Variants in PDE8B observed in about 807,000 individuals in gnomAD.
PDE8B encodes the protein high affinity cAMP-specific and IBMX-insensitive 3',5'-cyclic phosphodiesterase 8B.
In PDE8B, 26 loss-of-function variants were observed where a neutral mutation model predicts 101.3. The ratio of observed to expected loss-of-function variants is 0.26; its 90% CI spans 0.19 to 0.36. PDE8B has a LOEUF of 0.36. PDE8B is among the 10% of genes least tolerant of loss of function. The probability of loss-of-function intolerance (pLI) is 1.00; values close to 1 mark genes in which losing one functional copy is unlikely to be tolerated. For synonymous variants in PDE8B, 424 were observed against 429.3 expected (o/e 0.99, Z 0.15); for missense variants, 810 against 1,163.1 (o/e 0.70, Z 4.42).
the PDE8B span, among the ~76,000 whole-genome samples, chr5:77,173,886 T>G: frequency 2.6e-5 from 4 of 152,188 alleles, no homozygotes; most frequent in African/African-American, 7.2e-5. Flanking sequence ...GGAATAACTC[T>G]CCATTTGCAG....
intron 1 of PDE8B, among the ~76,000 whole-genome samples, chr5:77,293,418 T>C (rs997415987): frequency 2.6e-5 from 4 of 152,244 alleles, no homozygotes; most frequent in Admixed American, 2.0e-4. Flanking sequence ...AGTATATAGG[T>C]TAATTTGAGA....
rs528416372 is a variant in PDE8B, at chr5:77,265,234, C to CA, written c.340-46758dup. Among the ~76,000 whole-genome samples, 19 of 152,270 alleles carry CA rather than the reference C, an allele frequency of 1.2e-4. No homozygotes were observed. The East Asian group carries it at 3.7e-3, about 29-fold the overall frequency. On this transcript the variant is annotated intron_variant, in intron 1 of 21. Coordinates refer to ENST00000264917, the MANE Select transcript of PDE8B (RefSeq NM_003719.5). ...AACCCAGAAACCAAGACATCACAGA[C>CA]AATCAGTGGTGGTGTTGGCACAATA...
rs573685438 is a variant in PDE8B, at chr5:77,228,262, C to T, written c.339+16998C>T. ...ATTTCATCAAAGCCAGCAAGAGAGA[C>T]AGTCTCTTTTATCAGTAAGATGGTA... On this transcript the variant is annotated intron_variant, in intron 1 of 21. Transcript: ENST00000264917. 2.0e-5 allele frequency among the ~76,000 whole-genome samples: 3 copies of T among 152,294 alleles called. No homozygotes were observed. The South Asian group carries it at 6.2e-4, about 32-fold the overall frequency.
intron 1 of PDE8B, among the ~76,000 whole-genome samples, chr5:77,224,632 A>G (rs1751923142): frequency 6.6e-6 from 1 of 152,262 alleles, no homozygotes; most frequent in African/African-American, 2.4e-5. Context: ...TGTTAATATT[A>G]TCAAATACAA....
intron 8 of PDE8B, 125 bp from the exon 9 acceptor site, chr5:77,350,940 C>A: frequency 1.3e-6 from 1 of 754,954 alleles, no homozygotes; most frequent in Non-Finnish European, 2.4e-6. Context: ...TACAACAATA[C>A]AGCAGGCATT....
the PDE8B span, among the ~76,000 whole-genome samples, chr5:77,136,897 A>G: frequency 6.6e-6 from 1 of 152,190 alleles, no homozygotes; most frequent in Non-Finnish European, 1.5e-5. Context: ...TTTTTGGGCT[A>G]TGGGTGAGGA....
chr5:77,222,538 C>G (rs1751359953), intron 1 of PDE8B, among the ~76,000 whole-genome samples: 1 of 152,150 alleles, frequency 6.6e-6, no homozygotes, highest in Non-Finnish European at 1.5e-5. Context: ...AGGAGGATTA[C>G]TTGAATCTGG....
At chr5:77,324,560 T>C (rs920270994) in intron 2 of PDE8B, among the ~76,000 whole-genome samples, 2 of 152,204 alleles carry the variant, frequency 1.3e-5, no homozygotes, top group Non-Finnish European at 1.5e-5. Flanking sequence ...TTCTTTTCTG[T>C]GGGTGGAATT....
chr5:77,376,110 TGGA>T (rs1786082738), intron 10 of PDE8B, among the ~76,000 whole-genome samples: 1 of 152,138 alleles, frequency 6.6e-6, no homozygotes, highest in South Asian at 2.1e-4. Flanking sequence ...TCATTTCTAG[TGGA>T]GCATTCCCAG....
chr5:77,232,260 TA>T (rs1753729709), intron 1 of PDE8B, among the ~76,000 whole-genome samples: 1 of 152,254 alleles, frequency 6.6e-6, no homozygotes, highest in Admixed American at 6.5e-5. Flanking sequence ...TAAACTTTGT[TA>T]TGAAGTCTCT....
At chr5:77,364,388 ATC>A (rs1362927100) in intron 10 of PDE8B, among the ~76,000 whole-genome samples, 1 of 152,196 alleles carries the variant, frequency 6.6e-6, no homozygotes, top group Non-Finnish European at 1.5e-5. Context: ...AAGCGTCTGG[ATC>A]TTCGCTTCTG....
At chr5:77,304,811 G>T (rs1164568834) in intron 1 of PDE8B, among the ~76,000 whole-genome samples, 1 of 152,134 alleles carries the variant, frequency 6.6e-6, no homozygotes, top group Non-Finnish European at 1.5e-5. Context: ...GTTTGGGGGG[G>T]ATAATTCACC....
rs3031820 is a variant in PDE8B at position 77,378,009 on chromosome 5, T to TACACACACACACAC, written c.1168-22212_1168-22199dup. The stretch of plus-strand genomic sequence containing the variant: ...CTTGCTCGCTCTCTCCCTCTCTCTC[T>TACACACACACACAC]ACACACACACACACACACACACACA... On this transcript the variant is annotated intron_variant, in intron 10 of 21. Coordinates refer to ENST00000264917, the MANE Select transcript of PDE8B (RefSeq NM_003719.5). Among the ~76,000 whole-genome samples, 330 of 134,466 alleles carry TACACACACACACAC rather than the reference T, an allele frequency of 2.5e-3. 2 individuals are homozygous for TACACACACACACAC. The highest frequency in any genetic ancestry group is 2.8e-3 in the South Asian group (12 of 4,216). 88.2% of individuals were successfully genotyped at this position (134,466 alleles called of 152,430 possible).
At chr5:77,218,692 C>T (rs982738974) in intron 1 of PDE8B, among the ~76,000 whole-genome samples, 1 of 152,190 alleles carries the variant, frequency 6.6e-6, no homozygotes. Context: ...AAAAAATGCA[C>T]ACAAAATGTG....
At chr5:77,184,653 C>T in the PDE8B span, among the ~76,000 whole-genome samples, 92,862 of 151,792 alleles carry the variant, frequency 0.61, 28,847 homozygotes, top group African/African-American at 0.68. Flanking sequence ...TATGCTGCAG[C>T]CACAAATCAA....
intron 6 of PDE8B, among the ~76,000 whole-genome samples, chr5:77,343,640 CTT>C (rs1240761899): frequency 6.6e-6 from 1 of 152,162 alleles, no homozygotes; most frequent in African/African-American, 2.4e-5. Flanking sequence ...GGACTATAGA[CTT>C]TATCAGCTTT....
chr5:77,138,235 T>G, the PDE8B span, among the ~76,000 whole-genome samples: 3 of 152,030 alleles, frequency 2.0e-5, no homozygotes, highest in African/African-American at 4.8e-5. Context: ...TTCAGCCCCC[T>G]CCCATCCTGA....
chr5:77,369,203 CAAAA>C (rs70988667), intron 10 of PDE8B, among the ~76,000 whole-genome samples: 16 of 79,030 alleles, frequency 2.0e-4, no homozygotes, highest in African/African-American at 8.7e-4. Flanking sequence ...TCCACTGTCT[CAAAA>C]AAAAAAAAAA....
At chr5:77,125,355 T>C in the PDE8B span, among the ~76,000 whole-genome samples, 2 of 152,168 alleles carry the variant, frequency 1.3e-5, no homozygotes, top group Admixed American at 6.5e-5. Context: ...TCTTGTGCAT[T>C]GCTGGTGGGA....
Sources: allele counts gnomAD v4.1 joint callset (sites outside exome capture counted in the v4.1 genomes callset), GRCh38; gene constraint gnomAD v4.1.1; transcripts MANE v1.5; gene names NCBI Gene and HGNC (gene_info 2026-07-23, HGNC 2026-07-21).